The following ASB13 variants were observed in gnomAD, a reference collection of about 807,000 sequenced individuals.
The protein encoded by ASB13 is ankyrin repeat and SOCS box containing 13, also known as ankyrin repeat and SOCS box protein 13.
Under a neutral mutation model 28.8 loss-of-function variants are expected in ASB13, and 33 were observed. That is an observed-to-expected ratio of 1.15 (90% CI 0.87 to 1.53). The LOEUF (loss-of-function observed/expected upper bound fraction) is 1.53, where lower values mean the gene tolerates loss of function less well. Ranked by LOEUF, ASB13 falls within the 40% of genes most tolerant of loss-of-function variation. The probability of loss-of-function intolerance (pLI) is 0.00; values close to 1 mark genes in which losing one functional copy is unlikely to be tolerated. For missense variants in ASB13, 414 were observed against 390.1 expected (o/e 1.06, Z -0.52); for synonymous variants, 182 against 172.9 (o/e 1.05, Z -0.41).
rs1835115431 is a variant in ASB13 at position 5,659,034 on chromosome 10, C to G, written c.44-5984G>C. Among the ~76,000 whole-genome samples the G allele has an allele frequency of 6.6e-6, 1 of 152,292 alleles. No individual in the cohort carries two copies. Among genetic ancestry groups the G allele is most frequent in the East Asian group, 1.9e-4 (1 of 5,168 alleles). On this transcript the variant is annotated intron_variant, in intron 1 of 5. Coordinates refer to ENST00000357700, the MANE Select transcript of ASB13 (RefSeq NM_024701.4). The surrounding 1 kb of genome is among the most constrained non-coding windows in gnomAD (Gnocchi z 5.8). Reference sequence around the variant, plus strand: ...GGTCAGTGTCCCAGGTGAAAAGAATCGGGAAGGACAGCTTATGGTCACGGA... The same window carrying G: ...GGTCAGTGTCCCAGGTGAAAAGAATGGGGAAGGACAGCTTATGGTCACGGA...
rs1007036819 is a variant in ASB13 at position 5,640,560 on chromosome 10, C to T, written c.*143G>A. 1.9e-6 allele frequency: 2 copies of T among 1,074,152 alleles called. No homozygotes were observed. The highest frequency in any genetic ancestry group is 3.1e-5 in the African/African-American group (2 of 63,946). The allele number at this position is 1,074,152 out of a possible 1,614,324, so 66.5% of individuals were successfully genotyped here. ...CATTATCCAGGATCCAGGAGAGAAG[C>T]CTAAACAGGATCGCAGGAAGGGACT... On this transcript the variant is annotated 3_prime_UTR_variant, in exon 6 of 6. Transcript: ENST00000357700.
intron 4 of ASB13, among the ~76,000 whole-genome samples, chr10:5,648,310 C>T (rs1274972227): frequency 2.7e-5 from 4 of 150,192 alleles, no homozygotes; most frequent in Non-Finnish European, 5.9e-5. Flanking sequence ...TAAACACCCA[C>T]TCAGGCAAAC....
chr10:5,651,823 G>A lies in ASB13; in HGVS notation c.232-460C>T, dbSNP rs1158293474. Among the ~76,000 whole-genome samples the A allele has an allele frequency of 3.4e-5, 5 of 148,476 alleles. No homozygotes were observed. Among genetic ancestry groups the A allele is most frequent in the East Asian group, 4.2e-4 (2 of 4,790 alleles). ...TCAAGACCAGCCTGGGCAACATGGC[G>A]AAACCCTGTCTCTACAAAAAATACA... On this transcript the variant is annotated intron_variant, in intron 2 of 5. Transcript: ENST00000357700. The surrounding 1 kb of genome is among the most constrained non-coding windows in gnomAD (Gnocchi z 5.1).
intron 4 of ASB13, among the ~76,000 whole-genome samples, chr10:5,647,484 G>A: frequency 6.6e-6 from 1 of 152,122 alleles, no homozygotes; most frequent in East Asian, 1.9e-4. Context: ...TCAATCCTGA[G>A]TCTTTTCGAA....
chr10:5,645,377 G>A lies in ASB13; in HGVS notation c.518-3416C>T, dbSNP rs1159171206. On this transcript the variant is annotated intron_variant, in intron 4 of 5. Coordinates refer to ENST00000357700, the MANE Select transcript of ASB13 (RefSeq NM_024701.4). The surrounding 1 kb of genome is among the most constrained non-coding windows in gnomAD (Gnocchi z 5.4). The stretch of plus-strand genomic sequence containing the variant: ...GAAGCAGGACCGTCCTCAGGGAGCC[G>A]CTTCCGAACACTCCTGGCAGAGTTC... 6.6e-6 allele frequency among the ~76,000 whole-genome samples: 1 copy of A among 152,124 alleles called. No individual in the cohort carries two copies. The highest frequency in any genetic ancestry group is 1.5e-5 in the Non-Finnish European group (1 of 68,016).
chr10:5,666,591 G>T lies in ASB13; in HGVS notation c.-40C>A. 1.8e-6 allele frequency: 2 copies of T among 1,102,344 alleles called. No homozygotes were observed. Among genetic ancestry groups the T allele is most frequent in the Non-Finnish European group, 1.1e-6 (1 of 905,638 alleles). The allele number at this position is 1,102,344 out of a possible 1,614,324, so 68.3% of individuals were successfully genotyped here. ...GCCGCGCGGCGACTCTGGGCGCCGG[G>T]ACCTGGGCCGGGCCGCGCGGGGCCG... is the stretch of plus-strand genomic sequence containing the variant. On this transcript the variant is annotated 5_prime_UTR_variant, in exon 1 of 6. Transcript: ENST00000357700.
At chr10:5,665,288 C>T (rs1226592249) in intron 1 of ASB13, among the ~76,000 whole-genome samples, 1 of 152,198 alleles carries the variant, frequency 6.6e-6, no homozygotes, top group East Asian at 1.9e-4. Flanking sequence ...GGATCCAACA[C>T]ATTCAGCTTA....
Position 5,650,228 on chromosome 10 carries a change from A to G in ASB13, c.382+985T>C, listed in dbSNP as rs906230744. Among the ~76,000 whole-genome samples the G allele has an allele frequency of 2.0e-5, 3 of 152,154 alleles. No homozygotes were observed. The highest frequency in any genetic ancestry group is 7.2e-5 in the African/African-American group (3 of 41,426). ...AGCACTGGGCACCTTGATCTCAGCG[A>G]TGGTCCCCAACTCATCCCTCTGCTT... is the stretch of plus-strand genomic sequence containing the variant. On this transcript the variant is annotated intron_variant, in intron 3 of 5. Coordinates refer to ENST00000357700, the MANE Select transcript of ASB13 (RefSeq NM_024701.4). The surrounding 1 kb of genome is among the most constrained non-coding windows in gnomAD (Gnocchi z 6.0).
At position 5,652,399 on chromosome 10, in the gene ASB13, C is replaced by T. The variant is rs1025801902; in HGVS notation, c.231+464G>A. On this transcript the variant is annotated intron_variant, in intron 2 of 5. Coordinates refer to ENST00000357700, the MANE Select transcript of ASB13 (RefSeq NM_024701.4). The surrounding 1 kb of genome is among the most constrained non-coding windows in gnomAD (Gnocchi z 5.0). ...TGCCAGGAATTCTGCTGACCAGAAA[C>T]CCCCGGTGGCTTAATACTAGCCAGG... Among the ~76,000 whole-genome samples the T allele has an allele frequency of 4.6e-5, 7 of 152,222 alleles. No individual in the cohort carries two copies. The highest frequency in any genetic ancestry group is 1.7e-4 in the African/African-American group (7 of 41,450).
Position 5,642,438 on chromosome 10 carries a change from C to T in ASB13, c.518-477G>A. The T allele has an allele frequency of 9.8e-7, 1 of 1,019,512 alleles. No individual in the cohort carries two copies. Among genetic ancestry groups the T allele is most frequent in the Non-Finnish European group, 1.3e-6 (1 of 799,494 alleles). The allele number at this position is 1,019,512 out of a possible 1,614,324, so 63.2% of individuals were successfully genotyped here. ...AAAGAATAAATGTTCCTTAACAATG[C>T]ATATTCTTTTACAAAAGGAAAACAG... is the stretch of plus-strand genomic sequence containing the variant. On this transcript the variant is annotated intron_variant, in intron 4 of 5. Transcript: ENST00000357700. This position sits in a 1 kb window ranked among gnomAD's most constrained non-coding sequence, Gnocchi z 4.1.
rs1267022015 is a variant in ASB13, at chr10:5,650,177, C to T, written c.382+1036G>A. 6.6e-6 allele frequency among the ~76,000 whole-genome samples: 1 copy of T among 152,188 alleles called. No homozygotes were observed. Among genetic ancestry groups the T allele is most frequent in the Non-Finnish European group, 1.5e-5 (1 of 68,034 alleles). On this transcript the variant is annotated intron_variant, in intron 3 of 5. Transcript: ENST00000357700. The surrounding 1 kb of genome is among the most constrained non-coding windows in gnomAD (Gnocchi z 6.0). ...CCTTCCCCAACCCTACTAAATGAAACCATCCCACTCCACCAGCCTACTCTG... is the reference window on the plus strand; with the variant it reads ...CCTTCCCCAACCCTACTAAATGAAATCATCCCACTCCACCAGCCTACTCTG...
In ASB13 at chr10:5,649,137, T is replaced by G. The variant is rs1479990173; in HGVS notation, c.383-33A>C. ...TAAATGGAAAAGGGGGGGAATGTCC[T>G]TGAATACGGACACTGGAGACAACAA... On this transcript the variant is annotated intron_variant, in intron 3 of 5. Coordinates refer to ENST00000357700, the MANE Select transcript of ASB13 (RefSeq NM_024701.4). The surrounding 1 kb of genome is among the most constrained non-coding windows in gnomAD (Gnocchi z 6.4). 3.7e-6 allele frequency: 6 copies of G among 1,612,802 alleles called. No homozygotes were observed. Among genetic ancestry groups the G allele is most frequent in the African/African-American group, 2.7e-5 (2 of 74,944 alleles).
rs190096417 is a variant in ASB13 at position 5,656,426 on chromosome 10, C to A, written c.44-3376G>T. ...TGGTGGCACGTGCCTGTAATCCCAGCTACTCAGGAGGCGGAGGCAGCAGAA... is the reference window on the plus strand; with the variant it reads ...TGGTGGCACGTGCCTGTAATCCCAGATACTCAGGAGGCGGAGGCAGCAGAA... On this transcript the variant is annotated intron_variant, in intron 1 of 5. Transcript: ENST00000357700. This position sits in a 1 kb window ranked among gnomAD's most constrained non-coding sequence, Gnocchi z 4.3. 7.6e-4 allele frequency among the ~76,000 whole-genome samples: 116 copies of A among 152,208 alleles called. No individual in the cohort carries two copies. The East Asian group carries it at 0.018, about 24-fold the overall frequency.
At chr10:5,648,539 T>C (rs61832724) in intron 4 of ASB13, among the ~76,000 whole-genome samples, 11,371 of 79,476 alleles carry the variant, frequency 0.14, 1,271 homozygotes, top group Middle Eastern at 0.17. Flanking sequence ...CCTACTCAGG[T>C]AAACACCCAC....
intron 1 of ASB13, among the ~76,000 whole-genome samples, chr10:5,654,346 C>T (rs1835039315): frequency 6.6e-6 from 1 of 152,028 alleles, no homozygotes; most frequent in South Asian, 2.1e-4. Flanking sequence ...TGAACTTGGA[C>T]CTGCTGAGCC....
Position 5,645,230 on chromosome 10 carries a change from A to C in ASB13, c.518-3269T>G. On this transcript the variant is annotated intron_variant, in intron 4 of 5. Coordinates refer to ENST00000357700, the MANE Select transcript of ASB13 (RefSeq NM_024701.4). This position sits in a 1 kb window ranked among gnomAD's most constrained non-coding sequence, Gnocchi z 5.4. ...AGCTCAATAGGTGCTTGTTACCACA[A>C]GAGAAATTGAAAAAAAAAATTAAAT... Among the ~76,000 whole-genome samples the C allele has an allele frequency of 6.6e-6, 1 of 151,422 alleles. No individual in the cohort carries two copies. The highest frequency in any genetic ancestry group is 1.9e-4 in the East Asian group (1 of 5,170).
rs1416887548 is a variant in ASB13 at position 5,651,615 on chromosome 10, C to G, written c.232-252G>C. On this transcript the variant is annotated intron_variant, in intron 2 of 5. Coordinates refer to ENST00000357700, the MANE Select transcript of ASB13 (RefSeq NM_024701.4). The surrounding 1 kb of genome is among the most constrained non-coding windows in gnomAD (Gnocchi z 5.1). The stretch of plus-strand genomic sequence containing the variant: ...AGGATAAGCTCAGCAGCCCCCTCGC[C>G]ACCCCCGCCCCAAACACCTAGTAAG... 2.2e-6 allele frequency: 1 copy of G among 449,316 alleles called. No individual in the cohort carries two copies. The highest frequency in any genetic ancestry group is 4.0e-6 in the Non-Finnish European group (1 of 249,990). The allele number at this position is 449,316 out of a possible 1,614,324, so 27.8% of individuals were successfully genotyped here.
In ASB13 at chr10:5,652,981, A is replaced by C; in HGVS notation, c.113T>G (p.Leu38Arg). Reference protein sequence around the residue: ...QRGESLQLQQLIESGACVNQV... With the variant: ...QRGESLQLQQRIESGACVNQV... ...GTTCACGCAGGCGCCGCTCTCGATC[A>C]GCTGTTGCAGCTGCAGGCTCTCACC... Residue 38 changes from leucine to arginine, a missense_variant, in exon 2 of 6, where the codon CTG (leucine) becomes CGG (arginine). By Grantham distance (102) the Leu-to-Arg change is moderately radical (BLOSUM62 -2). Transcript: ENST00000357700. The surrounding 1 kb of genome is among the most constrained non-coding windows in gnomAD (Gnocchi z 5.0). 1 of 1,555,814 alleles carries C rather than the reference A, an allele frequency of 6.4e-7. No homozygotes were observed. The highest frequency in any genetic ancestry group is 8.7e-7 in the Non-Finnish European group (1 of 1,149,288).
chr10:5,640,773 A>T lies in ASB13; in HGVS notation c.767T>A (p.Val256Asp). 6.2e-7 allele frequency: 1 copy of T among 1,614,178 alleles called. No homozygotes were observed. The highest frequency in any genetic ancestry group is 8.5e-7 in the Non-Finnish European group (1 of 1,180,022). Residue 256 changes from valine to aspartate, a missense_variant, in exon 6 of 6, where the codon GTC (valine) becomes GAC (aspartate). Val to Asp is a radical substitution (Grantham distance 152, BLOSUM62 -3). Transcript: ENST00000357700. Reference sequence around the variant, plus strand: ...CTTGGCAATCTTCTCCAGCCCTCGGACGCCAGTGGCCTTCCTCAAGTTCAC... The same window carrying T: ...CTTGGCAATCTTCTCCAGCCCTCGGTCGCCAGTGGCCTTCCTCAAGTTCAC... ...CRVNLRKATG[V>D]RGLEKIAKLN...
Sources: gnomAD v4.1 joint callset for allele counts (sites outside exome capture counted in the v4.1 genomes callset) on GRCh38, gnomAD v4.1.1 for gene constraint, Gnocchi (gnomAD v3.1) non-coding constraint, MANE v1.5 for transcripts, NCBI Gene and HGNC (gene_info 2026-07-23, HGNC 2026-07-21) for gene names.